The following TMEM26 variants were observed in gnomAD, a reference collection of about 807,000 sequenced individuals.
TMEM26 encodes transmembrane protein 26.
In TMEM26, 38 loss-of-function variants were observed where a neutral mutation model predicts 28.8. The observed-to-expected ratio is 1.32, with a 90% CI of 1.02 to 1.73. The LOEUF (loss-of-function observed/expected upper bound fraction) is 1.73, where lower values mean the gene tolerates loss of function less well. Among genes scored for constraint, TMEM26 ranks in the 40% most tolerant of loss-of-function variants. The pLI, the probability that TMEM26 is intolerant of heterozygous loss-of-function variation, is 0.00. For missense variants in TMEM26, 518 were observed against 447.1 expected, an observed-to-expected ratio of 1.16 and a Z score of -1.43; for synonymous variants, 227 against 182.9, an observed-to-expected ratio of 1.24 and a Z score of -1.95.
chr10:61,429,443 G>C (rs533648584), intron 3 of TMEM26, among the ~76,000 whole-genome samples: 17 of 152,048 alleles, frequency 1.1e-4, no homozygotes, highest in Admixed American at 1.0e-3. Context: ...ATGTTTTAAT[G>C]TCTCATTTTA....
At chr10:61,449,629 A>C (rs1004618476) in intron 1 of TMEM26, among the ~76,000 whole-genome samples, 4 of 152,206 alleles carry the variant, frequency 2.6e-5, no homozygotes, top group Non-Finnish European at 4.4e-5. Flanking sequence ...AGTAGCCCAG[A>C]GTAGTCCAAA....
chr10:61,428,982 C>A lies in TMEM26; in HGVS notation c.549G>T (p.Gly183=). ...TGAATTCCAGTATGTCAGCCGCTGT[C>A]CCCACAAACATAAGAAGAAGTTGAG... The part of the protein sequence containing the change: ...QLSQLLLMFV[G]TAADILEFTS... The change falls in exon 4 of 6, where the codon GGG becomes GGT. Residue 183 remains glycine, a synonymous_variant. Coordinates refer to ENST00000399298, the MANE Select transcript of TMEM26 (RefSeq NM_178505.8). 6.2e-7 allele frequency: 1 copy of A among 1,613,196 alleles called. No individual in the cohort carries two copies. Among genetic ancestry groups the A allele is most frequent in the Non-Finnish European group, 8.5e-7 (1 of 1,179,458 alleles).
At chr10:61,420,401 C>A (rs1839725442) in intron 4 of TMEM26, among the ~76,000 whole-genome samples, 1 of 151,802 alleles carries the variant, frequency 6.6e-6, no homozygotes, top group Non-Finnish European at 1.5e-5. Flanking sequence ...GCAGGCACAC[C>A]CAATGTAAGT....
chr10:61,413,497 C>T lies in TMEM26; in HGVS notation c.644G>A (p.Trp215Ter), dbSNP rs757240246. 1.9e-6 allele frequency: 3 copies of T among 1,613,032 alleles called. No individual in the cohort carries two copies. In the South Asian group the frequency reaches 3.3e-5, roughly 18 times the overall value. ...TGGAAACTGCAGCATGCTCCAAGTC[C>T]ATATAACAAGGATGGCATAGACTAG... Reference protein sequence around the residue: ...PALVYAILVIWTWSMLQFPLD... With the variant: ...PALVYAILVI Residue 215 changes from tryptophan to a stop codon, truncating the protein, a stop_gained, in exon 5 of 6, where the codon TGG becomes TAG. Coordinates refer to ENST00000399298, the MANE Select transcript of TMEM26 (RefSeq NM_178505.8). LOFTEE classifies it low-confidence loss of function (END_TRUNC).
intron 1 of TMEM26, among the ~76,000 whole-genome samples, chr10:61,446,793 T>C (rs1840188335): frequency 9.2e-6 from 1 of 109,000 alleles, no homozygotes; most frequent in Admixed American, 1.5e-4. Context: ...CACTCCAGCC[T>C]GGCGACAGAG....
At chr10:61,443,083 T>C (rs1840120877) in intron 1 of TMEM26, among the ~76,000 whole-genome samples, 1 of 152,016 alleles carries the variant, frequency 6.6e-6, no homozygotes, top group South Asian at 2.1e-4. Context: ...CAAGAAAGCC[T>C]CAACTAAATG....
chr10:61,417,579 T>C (rs113984198), intron 4 of TMEM26, among the ~76,000 whole-genome samples: 1 of 151,420 alleles, frequency 6.6e-6, no homozygotes, highest in Admixed American at 6.6e-5. Flanking sequence ...TTCTTCCAGG[T>C]GAAAAAGAGA....
At position 61,413,008 on chromosome 10, in the gene TMEM26, G is replaced by A. The variant is rs756389424; in HGVS notation, c.682+451C>T. ...GTTCTAATACATGGGTCTGAAAAAAGAATGAAAATTACTTCTTACAAATAA... is the reference window on the plus strand; with the variant it reads ...GTTCTAATACATGGGTCTGAAAAAAAAATGAAAATTACTTCTTACAAATAA... On this transcript the variant is annotated intron_variant, in intron 5 of 5. Coordinates refer to ENST00000399298, the MANE Select transcript of TMEM26 (RefSeq NM_178505.8). 110 of 1,237,154 alleles carry A rather than the reference G, an allele frequency of 8.9e-5. 2 individuals carry two copies. The South Asian group carries it at 1.3e-3, about 15-fold the overall frequency. The allele number at this position is 1,237,154 out of a possible 1,614,324, so 76.6% of individuals were successfully genotyped here. A position where few individuals can be genotyped will look rare whatever the true frequency, so the allele number is the denominator to read the frequency against.
At chr10:61,449,684 T>C (rs1436249554) in intron 1 of TMEM26, among the ~76,000 whole-genome samples, 1 of 152,210 alleles carries the variant, frequency 6.6e-6, no homozygotes, top group Non-Finnish European at 1.5e-5. Flanking sequence ...CTTTTCCACC[T>C]TATATATGTA....
intron 1 of TMEM26, among the ~76,000 whole-genome samples, chr10:61,441,324 T>C (rs1450096047): frequency 6.6e-6 from 1 of 152,238 alleles, no homozygotes; most frequent in Admixed American, 6.5e-5. Context: ...AAATTGATTT[T>C]TATTGGAAGA....
chr10:61,410,769 T>A, intron 5 of TMEM26, 23 bp from the exon 6 acceptor site: 1 of 1,607,446 alleles, frequency 6.2e-7, no homozygotes, highest in Non-Finnish European at 8.5e-7. Context: ...GACAGACTAG[T>A]TACTATCTCT....
intron 4 of TMEM26, among the ~76,000 whole-genome samples, chr10:61,417,608 A>G (rs1839674827): frequency 6.6e-6 from 1 of 152,012 alleles, no homozygotes; most frequent in South Asian, 2.1e-4. Context: ...AACTCTGCAA[A>G]ATAAAAATAA....
At chr10:61,420,746 A>AT (rs1257993361) in intron 4 of TMEM26, among the ~76,000 whole-genome samples, 1 of 151,512 alleles carries the variant, frequency 6.6e-6, no homozygotes, top group Non-Finnish European at 1.5e-5. Context: ...AACTTGGAGT[A>AT]TTTTTTACTA....
rs150313253 is a variant in TMEM26 at position 61,450,181 on chromosome 10, G to GA, written c.191+2709dup. The stretch of plus-strand genomic sequence containing the variant: ...AAAATATAAGACTATAAGAGCAATG[G>GA]AAAAAAGGCTTATCTATATATAGAT... On this transcript the variant is annotated intron_variant, in intron 1 of 5. Transcript: ENST00000399298. Among the ~76,000 whole-genome samples, 1,217 of 151,882 alleles carry GA rather than the reference G, an allele frequency of 8.0e-3. 11 individuals carry two copies. The highest frequency in any genetic ancestry group is 0.024 in the African/African-American group (976 of 41,484).
intron 1 of TMEM26, among the ~76,000 whole-genome samples, chr10:61,444,591 G>A (rs1444783490): frequency 6.8e-6 from 1 of 147,418 alleles, no homozygotes; most frequent in Admixed American, 6.9e-5. Flanking sequence ...CCTACATTGT[G>A]TTCTAAGCAA....
intron 1 of TMEM26, among the ~76,000 whole-genome samples, chr10:61,446,042 C>T (rs1040309184): frequency 6.6e-6 from 1 of 152,128 alleles, no homozygotes; most frequent in Non-Finnish European, 1.5e-5. Flanking sequence ...ATTTTCAGTT[C>T]TAAATGTCTC....
intron 4 of TMEM26, chr10:61,413,941 A>G: frequency 1.0e-6 from 1 of 987,460 alleles, no homozygotes; most frequent in Non-Finnish European, 1.2e-6. Context: ...TCGAATTGAA[A>G]AGACATTTCA....
At position 61,420,422 on chromosome 10, in the gene TMEM26, A is replaced by T. The variant is rs1162936684; in HGVS notation, c.606-6887T>A. ...ACACCCAATGTAAGTTTTATTTTTTAAAAATCTGCGTATACATCGACCCAC... is the reference window on the plus strand; with the variant it reads ...ACACCCAATGTAAGTTTTATTTTTTTAAAATCTGCGTATACATCGACCCAC... On this transcript the variant is annotated intron_variant, in intron 4 of 5. Coordinates refer to ENST00000399298, the MANE Select transcript of TMEM26 (RefSeq NM_178505.8). Among the ~76,000 whole-genome samples the T allele has an allele frequency of 2.6e-5, 4 of 152,174 alleles. No individual in the cohort carries two copies. In the South Asian group the frequency reaches 6.2e-4, roughly 24 times the overall value.
At chr10:61,430,426 T>C (rs544382733) in intron 3 of TMEM26, among the ~76,000 whole-genome samples, 1 of 152,060 alleles carries the variant, frequency 6.6e-6, no homozygotes, top group East Asian at 1.9e-4. Context: ...AATAAACATC[T>C]ACAAAATACA....
Sources: allele counts gnomAD v4.1 joint callset (sites outside exome capture counted in the v4.1 genomes callset), GRCh38; gene constraint gnomAD v4.1.1; transcripts MANE v1.5; gene names NCBI Gene and HGNC (gene_info 2026-07-23, HGNC 2026-07-21).